The following LAMA3 variants were observed in gnomAD, a reference collection of about 807,000 sequenced individuals.
LAMA3 encodes laminin subunit alpha 3, also known as laminin subunit alpha-3.
A neutral mutation model predicts 402.0 loss-of-function variants in LAMA3; 281 were observed. The observed-to-expected ratio is 0.70, with a 90% CI of 0.63 to 0.77. LAMA3 has a LOEUF of 0.77. Among genes scored for constraint, LAMA3 ranks in the 30% least tolerant of loss-of-function variants. The pLI, the probability that LAMA3 is intolerant of heterozygous loss-of-function variation, is 0.00. For synonymous variants in LAMA3, 1,431 were observed against 1,558.4 expected, an observed-to-expected ratio of 0.92 and a Z score of 1.93; for missense variants, 3,840 against 4,215.5, an observed-to-expected ratio of 0.91 and a Z score of 2.47.
intron 20 of LAMA3, 69 bp from the exon 21 acceptor site, chr18:23,824,354 C>T: frequency 6.6e-7 from 1 of 1,525,104 alleles, no homozygotes; most frequent in Admixed American, 1.7e-5. Flanking sequence ...ATGTTCAAAA[C>T]TGAATATCTA....
intron 32 of LAMA3, among the ~76,000 whole-genome samples, chr18:23,855,605 T>C (rs2064057920): frequency 6.6e-6 from 1 of 152,198 alleles, no homozygotes; most frequent in Non-Finnish European, 1.5e-5. Flanking sequence ...GATAAGAGAA[T>C]GCAAAATTGT....
chr18:23,937,223 C>T lies in LAMA3; in HGVS notation c.8863-2000C>T, dbSNP rs530067726. Among the ~76,000 whole-genome samples, 5 of 151,860 alleles carry T rather than the reference C, an allele frequency of 3.3e-5. No individual in the cohort carries two copies. The South Asian group carries it at 6.3e-4, about 19-fold the overall frequency. ...TCTACTTAAAATACAAAAATTAGCC[C>T]GGCTTGGTGGTAGGCACCTGTAATC... On this transcript the variant is annotated intron_variant, in intron 67 of 74. Coordinates refer to ENST00000313654, the MANE Select transcript of LAMA3 (RefSeq NM_198129.4).
At chr18:23,834,042 C>A (rs1219867368) in intron 24 of LAMA3, 54 bp downstream of exon 24, 1 of 1,599,576 alleles carries the variant, frequency 6.3e-7, no homozygotes, top group East Asian at 2.2e-5. Flanking sequence ...AGGAAATCTG[C>A]CTTAGGAACT....
chr18:23,781,389 C>G, intron 11 of LAMA3: 1 of 426,606 alleles, frequency 2.3e-6, no homozygotes, highest in Non-Finnish European at 4.7e-6. Context: ...TTCTTCTACC[C>G]TCTTAGGTAC....
intron 48 of LAMA3, among the ~76,000 whole-genome samples, chr18:23,902,690 T>G (rs997293484): frequency 2.0e-5 from 3 of 152,254 alleles, no homozygotes; most frequent in Admixed American, 6.5e-5. Context: ...TTTATTTACA[T>G]AAAATCTTTT....
intron 52 of LAMA3, among the ~76,000 whole-genome samples, chr18:23,907,163 T>C (rs755579197): frequency 6.6e-6 from 1 of 152,198 alleles, no homozygotes; most frequent in Non-Finnish European, 1.5e-5. Context: ...AACAAACATA[T>C]ACTAATATTA....
intron 54 of LAMA3, 95 bp from the exon 55 acceptor site, chr18:23,909,058 A>T: frequency 8.2e-7 from 1 of 1,224,162 alleles, no homozygotes; most frequent in Non-Finnish European, 1.2e-6. Context: ...TGGGGACCAA[A>T]CATGCCACTT....
chr18:23,941,474 A>T (rs2082519666), intron 68 of LAMA3, among the ~76,000 whole-genome samples: 1 of 152,220 alleles, frequency 6.6e-6, no homozygotes. Flanking sequence ...AAAATTTTTT[A>T]AAAAGTCAAA....
intron 12 of LAMA3, among the ~76,000 whole-genome samples, chr18:23,803,888 G>A (rs1016693900): frequency 6.6e-6 from 1 of 152,196 alleles, no homozygotes; most frequent in African/African-American, 2.4e-5. Context: ...CTGTAGATGT[G>A]GAATGTAGCA....
intron 56 of LAMA3, 73 bp downstream of exon 56, chr18:23,912,954 G>A: frequency 7.4e-7 from 1 of 1,351,828 alleles, no homozygotes; most frequent in Non-Finnish European, 1.0e-6. Flanking sequence ...GAGATGTGTG[G>A]CACGGCTGCA....
At position 23,810,411 on chromosome 18, in the gene LAMA3, C is replaced by T; in HGVS notation, c.1649C>T (p.Ser550Leu). 1 of 1,614,188 alleles carries T rather than the reference C, an allele frequency of 6.2e-7. No individual in the cohort carries two copies. Among genetic ancestry groups the T allele is most frequent in the South Asian group, 1.1e-5 (1 of 91,082 alleles). Residue 550 changes from serine (S) to leucine (L), a missense_variant, in exon 13 of 75, where the codon TCA becomes TTA. Transcript: ENST00000313654. Reference sequence around the variant, plus strand: ...GGATCCTACCAGATGCCCTGCAGCTCAGTGACTGGACAGTGTGAATGTCGG... The same window carrying T: ...GGATCCTACCAGATGCCCTGCAGCTTAGTGACTGGACAGTGTGAATGTCGG... ...ALGSYQMPCS[S>L]VTGQCECRPG...
rs975720272 is a variant in LAMA3, at chr18:23,879,949, G to A, written c.5113-1987G>A. ...CTTCTCCAATGTGTTCAGTCTCAGA[G>A]CTAAGTAGACACAGGACTGAAATAT... On this transcript the variant is annotated intron_variant, in intron 39 of 74. Transcript: ENST00000313654. This position sits in a 1 kb window ranked among gnomAD's most constrained non-coding sequence, Gnocchi z 4.2. Among the ~76,000 whole-genome samples, 2 of 152,218 alleles carry A rather than the reference G, an allele frequency of 1.3e-5. No homozygotes were observed. Among genetic ancestry groups the A allele is most frequent in the East Asian group, 3.8e-4 (2 of 5,206 alleles).
chr18:23,839,719 C>A lies in LAMA3; in HGVS notation c.3192-66C>A. 6.4e-7 allele frequency: 1 copy of A among 1,562,312 alleles called. No individual in the cohort carries two copies. The highest frequency in any genetic ancestry group is 8.8e-7 in the Non-Finnish European group (1 of 1,133,596). On this transcript the variant is annotated intron_variant, in intron 26 of 74. Coordinates refer to ENST00000313654, the MANE Select transcript of LAMA3 (RefSeq NM_198129.4). The surrounding 1 kb of genome is among the most constrained non-coding windows in gnomAD (Gnocchi z 4.5). ...CCTATGCTCCAAGTCTGTCTCTTCA[C>A]TGATGGTCAGTTCTGTAGCTTTGGG...
At chr18:23,887,547 A>T (rs544799803) in intron 41 of LAMA3, among the ~76,000 whole-genome samples, 17 of 152,314 alleles carry the variant, frequency 1.1e-4, no homozygotes, top group East Asian at 1.9e-4. Flanking sequence ...TCTTTAAAAA[A>T]TTTTTTGAAG....
rs775333690 is a variant in LAMA3, at chr18:23,876,353, C to T, written c.5058C>T (p.Pro1686=). The T allele has an allele frequency of 3.7e-6, 6 of 1,614,048 alleles. No homozygotes were observed. Among genetic ancestry groups the T allele is most frequent in the Admixed American group, 1.7e-5 (1 of 60,014 alleles). ...HKGLYTGRCV[P]CNCNGHSNQC... is the part of the protein sequence containing the mutation. ...GCTTGTATACCGGACGGTGTGTTCC[C>T]TGCAATTGCAACGGACATTCAAATC... The change falls in exon 39 of 75, where the codon CCC becomes CCT. Residue 1686 remains proline, a synonymous_variant. Coordinates refer to ENST00000313654, the MANE Select transcript of LAMA3 (RefSeq NM_198129.4).
chr18:23,908,552 A>AT (rs2081330436), intron 54 of LAMA3, among the ~76,000 whole-genome samples: 2 of 149,954 alleles, frequency 1.3e-5, no homozygotes, highest in African/African-American at 4.9e-5. Flanking sequence ...AAAAAAAAAA[A>AT]GGAAAGAAAG....
At chr18:23,859,393 T>C (rs1370256163) in intron 34 of LAMA3, among the ~76,000 whole-genome samples, 1 of 152,162 alleles carries the variant, frequency 6.6e-6, no homozygotes, top group African/African-American at 2.4e-5. Flanking sequence ...CTGCACAGGC[T>C]AAGGGCTCAG....
At chr18:23,777,484 TA>T (rs1327355003) in intron 10 of LAMA3, 72 bp from the exon 11 acceptor site, 19 of 1,011,406 alleles carry the variant, frequency 1.9e-5, no homozygotes, top group Non-Finnish European at 3.0e-5. Context: ...TCTTCCTAGT[TA>T]GTACAACTTA....
chr18:23,690,274 C>T (rs1433657364), intron 1 of LAMA3, among the ~76,000 whole-genome samples: 1 of 152,194 alleles, frequency 6.6e-6, no homozygotes, highest in Non-Finnish European at 1.5e-5. Context: ...GAGATGCAGG[C>T]GCCTCGGCCC....
Sources: gnomAD v4.1 joint callset for allele counts (sites outside exome capture counted in the v4.1 genomes callset) on GRCh38, gnomAD v4.1.1 for gene constraint, Gnocchi (gnomAD v3.1) non-coding constraint, MANE v1.5 for transcripts, NCBI Gene and HGNC (gene_info 2026-07-23, HGNC 2026-07-21) for gene names.